Variants in PHACTR1 observed in about 807,000 individuals in gnomAD.
PHACTR1 encodes RPEL repeat containing 1.
Under a neutral mutation model 69.2 loss-of-function variants are expected in PHACTR1, and 16 were observed. That is an observed-to-expected ratio of 0.23 (90% CI 0.16 to 0.35). PHACTR1 has a LOEUF of 0.35. PHACTR1 is among the 10% of genes least tolerant of loss of function. The pLI is 1.00. For synonymous variants in PHACTR1, 312 were observed against 284.5 expected (o/e 1.10, Z -0.97); for missense variants, 510 against 734.7 (o/e 0.69, Z 3.54).
At chr6:13,194,062 G>T (rs1469921625) in intron 7 of PHACTR1, among the ~76,000 whole-genome samples, 1 of 152,138 alleles carries the variant, frequency 6.6e-6, no homozygotes, top group African/African-American at 2.4e-5. Context: ...CCTCTCAACA[G>T]GTGTTTGTTC....
intron 3 of PHACTR1, among the ~76,000 whole-genome samples, chr6:12,731,240 T>C (rs915697152): frequency 6.6e-6 from 1 of 152,084 alleles, no homozygotes; most frequent in Non-Finnish European, 1.5e-5. Context: ...GGTCTTGAAC[T>C]CCTGACCTCG....
intron 6 of PHACTR1, among the ~76,000 whole-genome samples, chr6:13,169,020 AGCTGACCGTT>A (rs1561933213): frequency 6.6e-6 from 1 of 152,188 alleles, no homozygotes; most frequent in Non-Finnish European, 1.5e-5. Flanking sequence ...GATACCAGCT[AGCTGACCGTT>A]GCTGGGATTC....
At chr6:13,237,201 C>T (rs936084746) in intron 10 of PHACTR1, among the ~76,000 whole-genome samples, 1 of 152,048 alleles carries the variant, frequency 6.6e-6, no homozygotes, top group Non-Finnish European at 1.5e-5. Flanking sequence ...ACACAGACCC[C>T]ATGTTGACAA....
At chr6:12,784,028 A>G (rs551317598) in intron 4 of PHACTR1, among the ~76,000 whole-genome samples, 23 of 152,216 alleles carry the variant, frequency 1.5e-4, no homozygotes, top group Non-Finnish European at 1.5e-5. Flanking sequence ...ATATGTACAT[A>G]TGCACACACA....
At chr6:13,037,314 C>T (rs1387779035) in intron 4 of PHACTR1, among the ~76,000 whole-genome samples, 4 of 152,122 alleles carry the variant, frequency 2.6e-5, no homozygotes, top group Non-Finnish European at 5.9e-5. Flanking sequence ...AGGCACCCCC[C>T]CAAACTCCCC....
chr6:12,892,911 G>A (rs1784298981), intron 4 of PHACTR1, among the ~76,000 whole-genome samples: 1 of 152,152 alleles, frequency 6.6e-6, no homozygotes, highest in Non-Finnish European at 1.5e-5. Flanking sequence ...GGGCAGTGGG[G>A]CTCTGAGGAA....
chr6:13,282,055 G>A (rs1014859087), intron 12 of PHACTR1, among the ~76,000 whole-genome samples: 7 of 152,228 alleles, frequency 4.6e-5, no homozygotes, highest in African/African-American at 9.6e-5. Flanking sequence ...CTCTGCCAGC[G>A]TGGGAGCAAG....
intron 9 of PHACTR1, among the ~76,000 whole-genome samples, chr6:13,229,416 C>T (rs765288541): frequency 2.6e-5 from 4 of 152,124 alleles, no homozygotes; most frequent in Non-Finnish European, 4.4e-5. Context: ...CTCAGCTGCT[C>T]AGAAATGCTG....
At chr6:12,977,802 T>G (rs2127590051) in intron 4 of PHACTR1, among the ~76,000 whole-genome samples, 1 of 152,342 alleles carries the variant, frequency 6.6e-6, no homozygotes, top group East Asian at 1.9e-4. Context: ...CCTGTTTCTC[T>G]CAGCTTCTCT....
intron 4 of PHACTR1, among the ~76,000 whole-genome samples, chr6:12,864,149 A>G (rs912545856): frequency 6.6e-6 from 1 of 152,184 alleles, no homozygotes; most frequent in African/African-American, 2.4e-5. Context: ...CTGAGTGTCA[A>G]TCACAAATAA....
chr6:12,890,781 G>A (rs931717831), intron 4 of PHACTR1, among the ~76,000 whole-genome samples: 2 of 152,092 alleles, frequency 1.3e-5, no homozygotes, highest in Non-Finnish European at 2.9e-5. Context: ...CACACTTCTG[G>A]TCCTTCCAAC....
rs180673337 is a variant in PHACTR1 at position 12,761,726 on chromosome 6, C to G, written c.250+11936C>G. On this transcript the variant is annotated intron_variant, in intron 4 of 14. Transcript: ENST00000332995. Reference sequence around the variant, plus strand: ...ATCCTTCTTTTTCAATCACCTCTCCCTTTTTCTTCACCCTCTCCCTGTTTC... The same window carrying G: ...ATCCTTCTTTTTCAATCACCTCTCCGTTTTTCTTCACCCTCTCCCTGTTTC... Among the ~76,000 whole-genome samples the G allele has an allele frequency of 2.3e-3, 346 of 152,298 alleles. 1 individual carries two copies. Among genetic ancestry groups the G allele is most frequent in the Non-Finnish European group, 3.4e-3 (232 of 68,034 alleles).
chr6:12,957,255 CAAA>C (rs35500368), intron 4 of PHACTR1: 1,475 of 270,680 alleles, frequency 5.4e-3, no homozygotes, highest in African/African-American at 0.011. Flanking sequence ...AACAAATACT[CAAA>C]AAAAAAAAAA....
intron 3 of PHACTR1, among the ~76,000 whole-genome samples, chr6:12,743,775 G>T (rs1328852018): frequency 6.6e-6 from 1 of 152,128 alleles, no homozygotes; most frequent in Admixed American, 6.5e-5. Flanking sequence ...AGGATATCCA[G>T]GAATTGAACT....
At chr6:12,958,005 T>C (rs1792117833) in intron 4 of PHACTR1, 5 of 985,402 alleles carry the variant, frequency 5.1e-6, no homozygotes, top group Non-Finnish European at 6.0e-6. Flanking sequence ...GGCGGATGCA[T>C]GTGGGAGCAA....
At chr6:12,907,819 TG>T (rs1785909745) in intron 4 of PHACTR1, among the ~76,000 whole-genome samples, 1 of 152,336 alleles carries the variant, frequency 6.6e-6, no homozygotes, top group African/African-American at 2.4e-5. Context: ...TATTAAAGTT[TG>T]TGAGCTTTCA....
chr6:12,880,943 A>T (rs142921668), intron 4 of PHACTR1, among the ~76,000 whole-genome samples: 3 of 152,044 alleles, frequency 2.0e-5, no homozygotes, highest in African/African-American at 4.8e-5. Flanking sequence ...GTAGATTTTT[A>T]AAAAAGAAAT....
At chr6:12,900,280 C>G (rs1785062980) in intron 4 of PHACTR1, among the ~76,000 whole-genome samples, 1 of 151,976 alleles carries the variant, frequency 6.6e-6, no homozygotes, top group African/African-American at 2.4e-5. Context: ...CCATTTAGCT[C>G]ATCATTTTTT....
At chr6:13,093,773 C>T (rs948669172) in intron 5 of PHACTR1, among the ~76,000 whole-genome samples, 1 of 152,178 alleles carries the variant, frequency 6.6e-6, no homozygotes, top group African/African-American at 2.4e-5. Flanking sequence ...GGACTAAACA[C>T]TAGGAGTGAA....
Sources: gnomAD v4.1 joint callset for allele counts (sites outside exome capture counted in the v4.1 genomes callset) on GRCh38, gnomAD v4.1.1 for gene constraint, MANE v1.5 for transcripts, NCBI Gene and HGNC (gene_info 2026-07-23, HGNC 2026-07-21) for gene names.